The following TNS3 variants were observed in gnomAD, a reference collection of about 807,000 sequenced individuals.
TNS3 encodes the protein tensin-3.
A neutral mutation model predicts 140.9 loss-of-function variants in TNS3; 45 were observed. That is an observed-to-expected ratio of 0.32 (90% CI 0.25 to 0.41). TNS3 has a LOEUF of 0.41. Among genes scored for constraint, TNS3 ranks in the 10% least tolerant of loss-of-function variants. TNS3 has a pLI of 1.00. For synonymous variants in TNS3, 815 were observed against 788.4 expected, an observed-to-expected ratio of 1.03 and a Z score of -0.56; for missense variants, 1,716 against 1,906.7, an observed-to-expected ratio of 0.90 and a Z score of 1.86.
In TNS3 at chr7:47,388,986, G is replaced by GGAA. The variant is rs1295865455; in HGVS notation, c.1024+7811_1024+7813dup. The stretch of plus-strand genomic sequence containing the variant: ...AAGCAGAAGCAGAAGAAGCAGCAGA[G>GGAA]GAAGAAGAAGAAGAAGGAAGAAGAA... On this transcript the variant is annotated intron_variant, in intron 16 of 30. Coordinates refer to ENST00000311160, the MANE Select transcript of TNS3 (RefSeq NM_022748.12). 5.7e-4 allele frequency among the ~76,000 whole-genome samples: 46 copies of GGAA among 80,562 alleles called. 4 individuals carry two copies. The highest frequency in any genetic ancestry group is 1.5e-3 in the African/African-American group (45 of 30,188). The allele number at this position is 80,562 out of a possible 152,430, so 52.9% of individuals were successfully genotyped here. A position where few individuals can be genotyped will look rare whatever the true frequency, so the allele number is the denominator to read the frequency against.
chr7:47,379,692 C>T (rs1045810938), intron 16 of TNS3, among the ~76,000 whole-genome samples: 7 of 152,182 alleles, frequency 4.6e-5, no homozygotes, highest in Non-Finnish European at 8.8e-5. Flanking sequence ...TAAGGCATTG[C>T]TCCCTTGGTG....
chr7:47,497,257 C>A (rs1246193625), intron 3 of TNS3, among the ~76,000 whole-genome samples: 2 of 152,192 alleles, frequency 1.3e-5, no homozygotes, highest in Non-Finnish European at 2.9e-5. Context: ...ACCACAACTG[C>A]AGAAAGAGTA....
At chr7:47,435,616 T>G (rs1201171375) in intron 7 of TNS3, among the ~76,000 whole-genome samples, 1 of 152,188 alleles carries the variant, frequency 6.6e-6, no homozygotes, top group Non-Finnish European at 1.5e-5. Flanking sequence ...TGCCTCTTCT[T>G]CCAGGGGCTC....
At chr7:47,577,636 G>A (rs1293937209) in intron 1 of TNS3, among the ~76,000 whole-genome samples, 4 of 152,228 alleles carry the variant, frequency 2.6e-5, no homozygotes, top group South Asian at 2.1e-4. Flanking sequence ...AAGTCTCAGC[G>A]CTCTCTTCCA....
In TNS3 at chr7:47,433,812, C is replaced by T. The variant is rs140532029; in HGVS notation, c.324+1470G>A. Among the ~76,000 whole-genome samples the T allele has an allele frequency of 1.9e-3, 294 of 152,212 alleles. 3 individuals are homozygous for T. The highest frequency in any genetic ancestry group is 6.8e-3 in the African/African-American group (281 of 41,530). On this transcript the variant is annotated intron_variant, in intron 8 of 30. Coordinates refer to ENST00000311160, the MANE Select transcript of TNS3 (RefSeq NM_022748.12). ...ATCAGGCTCACTGTGTCAAAATCAC[C>T]ACACCAAGCCTGAAAAGCATAGGTT...
In TNS3 at chr7:47,339,619, C is replaced by T. The variant is rs1018175654; in HGVS notation, c.2650+5136G>A. 5.3e-5 allele frequency among the ~76,000 whole-genome samples: 8 copies of T among 152,258 alleles called. No homozygotes were observed. In the East Asian group the frequency reaches 1.5e-3, roughly 29 times the overall value. ...TACAATAAGTCTTGAAATTAGGTAA[C>T]CTCATTCCTTCCACTTAATTCTTTC... On this transcript the variant is annotated intron_variant, in intron 20 of 30. Transcript: ENST00000311160.
At chr7:47,537,434 C>T (rs1799641843) in intron 1 of TNS3, among the ~76,000 whole-genome samples, 1 of 152,076 alleles carries the variant, frequency 6.6e-6, no homozygotes, top group African/African-American at 2.4e-5. Flanking sequence ...ACCGCAGCTC[C>T]GAGCGAGCGC....
Position 47,278,070 on chromosome 7 carries a change from G to C in TNS3, c.*6C>G, listed in dbSNP as rs939209332. 8.1e-6 allele frequency: 13 copies of C among 1,613,886 alleles called. No homozygotes were observed. Among genetic ancestry groups the C allele is most frequent in the Non-Finnish European group, 1.1e-5 (13 of 1,179,930 alleles). On this transcript the variant is annotated 3_prime_UTR_variant, in exon 31 of 31. Coordinates refer to ENST00000311160, the MANE Select transcript of TNS3 (RefSeq NM_022748.12). ...CATCGGTGGGTCCAGGGAGGGAGGGGAGTTCTCAGACCTTCTTTGGGGAAC... is the reference window on the plus strand; with the variant it reads ...CATCGGTGGGTCCAGGGAGGGAGGGCAGTTCTCAGACCTTCTTTGGGGAAC...
chr7:47,485,779 G>A (rs1356165904), intron 3 of TNS3, among the ~76,000 whole-genome samples: 1 of 152,240 alleles, frequency 6.6e-6, no homozygotes, highest in Non-Finnish European at 1.5e-5. Flanking sequence ...AAACACTGCT[G>A]TGCCTGCCCC....
intron 4 of TNS3, among the ~76,000 whole-genome samples, chr7:47,465,735 A>G (rs1307294712): frequency 6.6e-6 from 1 of 151,940 alleles, no homozygotes; most frequent in Non-Finnish European, 1.5e-5. Context: ...GACAAGCCTG[A>G]CCAACATGGA....
At position 47,275,303 on chromosome 7, in the gene TNS3, G is replaced by A. The variant is rs1029740348; in HGVS notation, c.*2773C>T. ...AAAAGTAAAAATATGCACTAACAAG[G>A]CAGAGAAGACGTTACAAGGTATTTG... On this transcript the variant is annotated 3_prime_UTR_variant, in exon 31 of 31. Coordinates refer to ENST00000311160, the MANE Select transcript of TNS3 (RefSeq NM_022748.12). The A allele has an allele frequency of 6.5e-6, 1 of 152,690 alleles. No individual in the cohort carries two copies. Among genetic ancestry groups the A allele is most frequent in the Non-Finnish European group, 1.5e-5 (1 of 68,068 alleles). 9.5% of individuals were successfully genotyped at this position (152,690 alleles called of 1,614,324 possible).
intron 10 of TNS3, among the ~76,000 whole-genome samples, chr7:47,417,906 T>C (rs1336823918): frequency 5.9e-5 from 9 of 152,198 alleles, no homozygotes; most frequent in Admixed American, 5.9e-4. Flanking sequence ...TGCAGACAGA[T>C]AGCCAACGTA....
intron 20 of TNS3, among the ~76,000 whole-genome samples, chr7:47,314,197 A>C (rs1043578514): frequency 6.6e-6 from 1 of 152,238 alleles, no homozygotes; most frequent in African/African-American, 2.4e-5. Flanking sequence ...AGGTCAGTGC[A>C]GTCACTTCCA....
intron 16 of TNS3, among the ~76,000 whole-genome samples, chr7:47,385,441 T>TGCCATCCAATTCAGCTCTGTATCTGC (rs1792019589): frequency 6.6e-6 from 1 of 152,160 alleles, no homozygotes; most frequent in African/African-American, 2.4e-5. Flanking sequence ...CACGGAGCTG[T>TGCCATCCAATTCAGCTCTGTATCTGC]GCCATCCAAT....
rs747559285 is a variant in TNS3, at chr7:47,369,515, G to T, written c.1131C>A (p.Thr377=). Residue 377 remains threonine, a synonymous_variant, in exon 17 of 31, where the codon ACC becomes ACA. Transcript: ENST00000311160. ...TGTGGTCACTGTGGTCTGGGCTGTTGGTGGCCGGGATTGCCTGGGGGCCAC... is the reference window on the plus strand; with the variant it reads ...TGTGGTCACTGTGGTCTGGGCTGTTTGTGGCCGGGATTGCCTGGGGGCCAC... ...IPGGPQAIPA[T]NSPDHSDHTL... 1 of 1,614,030 alleles carries T rather than the reference G, an allele frequency of 6.2e-7. No individual in the cohort carries two copies. The highest frequency in any genetic ancestry group is 2.2e-5 in the East Asian group (1 of 44,884).
rs563288117 is a variant in TNS3 at position 47,370,980 on chromosome 7, G to C, written c.1025-1359C>G. 7.4e-4 allele frequency among the ~76,000 whole-genome samples: 113 copies of C among 152,308 alleles called. 2 individuals carry two copies. The East Asian group carries it at 0.017, about 22-fold the overall frequency. ...TTGGGACAGAGTCCCAAGGGGTCCT[G>C]GGGTGTGGTGCTGAAAACGCGCCCA... On this transcript the variant is annotated intron_variant, in intron 16 of 30. Transcript: ENST00000311160.
At chr7:47,341,213 T>A (rs1458792835) in intron 20 of TNS3, among the ~76,000 whole-genome samples, 2 of 152,198 alleles carry the variant, frequency 1.3e-5, no homozygotes, top group East Asian at 1.9e-4. Flanking sequence ...CTTTTTCTGT[T>A]CTTTTTGCCT....
intron 4 of TNS3, among the ~76,000 whole-genome samples, chr7:47,474,579 AAC>A (rs1292387334): frequency 6.7e-6 from 1 of 148,254 alleles, no homozygotes; most frequent in Non-Finnish European, 1.5e-5. Context: ...CACACCTCAC[AAC>A]ACACACAAGA....
intron 10 of TNS3, among the ~76,000 whole-genome samples, chr7:47,421,981 T>G (rs1032364307): frequency 6.6e-6 from 1 of 152,058 alleles, no homozygotes; most frequent in Non-Finnish European, 1.5e-5. Context: ...CCCATCCCAC[T>G]CCCCAGGCCA....
Sources: gnomAD v4.1 joint callset for allele counts (sites outside exome capture counted in the v4.1 genomes callset) on GRCh38, gnomAD v4.1.1 for gene constraint, MANE v1.5 for transcripts, NCBI Gene and HGNC (gene_info 2026-07-23, HGNC 2026-07-21) for gene names.